The following PIKFYVE variants were observed in gnomAD, a reference collection of about 807,000 sequenced individuals.
PIKFYVE encodes 1-phosphatidylinositol 3-phosphate 5-kinase.
A neutral mutation model predicts 257.9 loss-of-function variants in PIKFYVE; 122 were observed. The observed-to-expected ratio is 0.47, with a 90% CI of 0.41 to 0.55. The LOEUF (loss-of-function observed/expected upper bound fraction) is 0.55, where lower values mean the gene tolerates loss of function less well. Ranked by LOEUF, PIKFYVE falls within the 20% of genes least tolerant of loss-of-function variation. The pLI, the probability that PIKFYVE is intolerant of heterozygous loss-of-function variation, is 0.00. For synonymous variants in PIKFYVE, 892 were observed against 868.9 expected (o/e 1.03, Z -0.47); for missense variants, 2,160 against 2,536.6 (o/e 0.85, Z 3.19).
In PIKFYVE at chr2:208,286,085, T is replaced by C. The variant is rs1574455102; in HGVS notation, c.821+152T>C. The C allele has an allele frequency of 5.1e-6, 4 of 790,484 alleles. No individual in the cohort carries two copies. In the East Asian group the frequency reaches 8.0e-5, roughly 16 times the overall value. 49.0% of individuals were successfully genotyped at this position (790,484 alleles called of 1,614,324 possible). ...TTTCTTTGGCTTGCCTCCAGAATGT[T>C]TGCAGATGTTTATGGATAGTGATGA... On this transcript the variant is annotated intron_variant, in intron 6 of 41. Transcript: ENST00000264380.
At chr2:208,340,224 T>C in intron 31 of PIKFYVE, 93 bp downstream of exon 31, 1 of 1,465,064 alleles carries the variant, frequency 6.8e-7, no homozygotes, top group Non-Finnish European at 9.5e-7. Flanking sequence ...TGATGCATGA[T>C]TTTTCAATCC....
Position 208,298,674 on chromosome 2 carries a change from A to G in PIKFYVE, c.945A>G (p.Arg315=). The change falls in exon 8 of 42, where the codon AGA becomes AGG. Residue 315 remains arginine (R), a synonymous_variant. Transcript: ENST00000264380. ...SASITNLSLD[R]SGSPMVPSYE... ...GCATTACTAACCTGTCACTGGATAG[A>G]TCTGGTTCTCCTATGGTACCTTCAT... is the stretch of plus-strand genomic sequence containing the variant. The G allele has an allele frequency of 6.2e-7, 1 of 1,614,110 alleles. No individual in the cohort carries two copies. The highest frequency in any genetic ancestry group is 8.5e-7 in the Non-Finnish European group (1 of 1,179,982).
At chr2:208,302,481 A>C (rs769558347) in intron 10 of PIKFYVE, 128 bp downstream of exon 10, 95 of 956,608 alleles carry the variant, frequency 9.9e-5, no homozygotes, top group Non-Finnish European at 1.3e-4. Flanking sequence ...CTGTTTGAGG[A>C]AAGTTAAAAC....
chr2:208,272,402 A>G (rs192108907), intron 2 of PIKFYVE, among the ~76,000 whole-genome samples: 258 of 152,310 alleles, frequency 1.7e-3, no homozygotes, highest in Non-Finnish European at 2.7e-3. Context: ...TAAAGCAATG[A>G]AACTGAAAGG....
At chr2:208,355,111 A>C in intron 41 of PIKFYVE, 79 bp from the exon 42 acceptor site, 1 of 1,095,574 alleles carries the variant, frequency 9.1e-7, no homozygotes, top group Non-Finnish European at 1.4e-6. Context: ...GTTTATATGA[A>C]AGAACATGGT....
At chr2:208,266,987 G>A (rs1688722210) in intron 1 of PIKFYVE, among the ~76,000 whole-genome samples, 1 of 152,208 alleles carries the variant, frequency 6.6e-6, no homozygotes, top group African/African-American at 2.4e-5. Context: ...CCAACAAAAG[G>A]ATGAGAATGG....
In PIKFYVE at chr2:208,358,217, A is replaced by ACT. The variant is rs1700267866; in HGVS notation, c.*2912_*2913insCT. On this transcript the variant is annotated 3_prime_UTR_variant, in exon 42 of 42. Coordinates refer to ENST00000264380, the MANE Select transcript of PIKFYVE (RefSeq NM_015040.4). ...GCTTCATGACATTTTACCCATTTGC[A>ACT]GTGATCCTGTGTAAAACTGCCAAGG... is the stretch of plus-strand genomic sequence containing the variant. The ACT allele has an allele frequency of 6.6e-6, 1 of 152,602 alleles. No individual in the cohort carries two copies. Among genetic ancestry groups the ACT allele is most frequent in the African/African-American group, 2.4e-5 (1 of 41,434 alleles). The allele number at this position is 152,602 out of a possible 1,614,324, so 9.5% of individuals were successfully genotyped here. A position where few individuals can be genotyped will look rare whatever the true frequency, so the allele number is the denominator to read the frequency against.
chr2:208,336,624 A>ATT (rs1034587699), intron 27 of PIKFYVE, among the ~76,000 whole-genome samples: 1 of 148,634 alleles, frequency 6.7e-6, no homozygotes, highest in Non-Finnish European at 1.5e-5. Flanking sequence ...ATAATTTGCT[A>ATT]TTTTTTTTTT....
At chr2:208,352,932 G>A in intron 39 of PIKFYVE, 150 bp downstream of exon 39, 1 of 965,684 alleles carries the variant, frequency 1.0e-6, no homozygotes. Flanking sequence ...GACTTGCTCA[G>A]CCTTGGAGAA....
Position 208,350,083 on chromosome 2 carries a change from C to G in PIKFYVE, c.5434C>G (p.Gln1812Glu). 6.2e-7 allele frequency: 1 copy of G among 1,612,280 alleles called. No homozygotes were observed. ...ACTCATAAATCCTCATGTGGAACTT[C>G]GTAAGTATGAGATATTATATCATTG... ...KQLINPHVEL[Q>E]FSDANAKFYC... Residue 1812 changes from glutamine (Q) to glutamate (E), a missense_variant and splice_region_variant, in exon 36 of 42, where the codon CAA (glutamine) becomes GAA (glutamate). Physicochemically the swap from Gln to Glu is conservative, Grantham distance 29. Transcript: ENST00000264380.
chr2:208,318,904 T>C lies in PIKFYVE; in HGVS notation c.2082+963T>C, dbSNP rs1385987407. On this transcript the variant is annotated intron_variant, in intron 16 of 41. Transcript: ENST00000264380. The stretch of plus-strand genomic sequence containing the variant: ...AGGCGAAGGTTGCAGTGAGCTGAGA[T>C]CACGCCACTGCAGTGCAGTCTGGGC... Among the ~76,000 whole-genome samples the C allele has an allele frequency of 2.3e-5, 3 of 132,738 alleles. No individual in the cohort carries two copies. The East Asian group carries it at 6.9e-4, about 31-fold the overall frequency. 87.1% of individuals were successfully genotyped at this position (132,738 alleles called of 152,430 possible). A position where few individuals can be genotyped will look rare whatever the true frequency, so the allele number is the denominator to read the frequency against.
chr2:208,322,442 TTTG>T lies in PIKFYVE; in HGVS notation c.2191-1694_2191-1692del, dbSNP rs569725007. Among the ~76,000 whole-genome samples, 106 of 151,244 alleles carry T rather than the reference TTTG, an allele frequency of 7.0e-4. 1 individual carries two copies. Among genetic ancestry groups the T allele is most frequent in the Middle Eastern group, 3.4e-3 (1 of 294 alleles). ...TTTGGGAGTTGTGAGGTTAGGTTTTTTTGTTGTTCTTGTTTTTTTTTAACCTCT... is the reference window on the plus strand; with the variant it reads ...TTTGGGAGTTGTGAGGTTAGGTTTTTTTGTTCTTGTTTTTTTTTAACCTCT... On this transcript the variant is annotated intron_variant, in intron 17 of 41. Transcript: ENST00000264380.
At position 208,304,222 on chromosome 2, in the gene PIKFYVE, G is replaced by A. The variant is rs765238745; in HGVS notation, c.1372G>A (p.Val458Met). 10 of 1,614,064 alleles carry A rather than the reference G, an allele frequency of 6.2e-6. No homozygotes were observed. The highest frequency in any genetic ancestry group is 1.7e-5 in the Admixed American group (1 of 60,026). The change falls in exon 11 of 42, where the codon GTG becomes ATG. Residue 458 changes from valine (V) to methionine (M), a missense_variant. By Grantham distance (21) the Val-to-Met change is conservative (BLOSUM62 1). Coordinates refer to ENST00000264380, the MANE Select transcript of PIKFYVE (RefSeq NM_015040.4). ...TCCCGACAGTGACTCAGTGAACTCC[G>A]TGGAAGGACACTCTGAGCCATCCTG... is the stretch of plus-strand genomic sequence containing the variant. ...PSPDSDSVNS[V>M]EGHSEPSWFK...
At chr2:208,324,364 A>G in intron 18 of PIKFYVE, 82 bp downstream of exon 18, 1 of 1,453,314 alleles carries the variant, frequency 6.9e-7, no homozygotes, top group Non-Finnish European at 9.6e-7. Context: ...GTATACAAGA[A>G]TCTTTTTTTC....
chr2:208,350,688 C>G, intron 36 of PIKFYVE, 83 bp from the exon 37 acceptor site: 1 of 1,465,084 alleles, frequency 6.8e-7, no homozygotes, highest in Non-Finnish European at 9.5e-7. Context: ...TTGCATTTGG[C>G]CAGGGTAGGG....
intron 15 of PIKFYVE, 48 bp downstream of exon 15, chr2:208,315,421 A>C: frequency 1.2e-6 from 2 of 1,600,394 alleles, no homozygotes; most frequent in Non-Finnish European, 1.7e-6. Flanking sequence ...ATGAGGCAGG[A>C]CTGATTGTAA....
At position 208,328,298 on chromosome 2, in the gene PIKFYVE, C is replaced by G; in HGVS notation, c.3719+18C>G. ...AGTCCTTGGTAGGATTCTTTTCCCC[C>G]TACACTATTCCACATAAGAACAGAA... On this transcript the variant is annotated intron_variant, in intron 21 of 41. Coordinates refer to ENST00000264380, the MANE Select transcript of PIKFYVE (RefSeq NM_015040.4). 1 of 1,613,122 alleles carries G rather than the reference C, an allele frequency of 6.2e-7. No homozygotes were observed. The highest frequency in any genetic ancestry group is 8.5e-7 in the Non-Finnish European group (1 of 1,179,456).
At chr2:208,354,887 A>G (rs1430842974) in intron 41 of PIKFYVE, among the ~76,000 whole-genome samples, 2 of 152,230 alleles carry the variant, frequency 1.3e-5, no homozygotes, top group African/African-American at 4.8e-5. Flanking sequence ...GATGTTCTGA[A>G]TAAGAGATTG....
chr2:208,290,581 G>T (rs1692187771), intron 7 of PIKFYVE, among the ~76,000 whole-genome samples: 1 of 152,162 alleles, frequency 6.6e-6, no homozygotes, highest in Admixed American at 6.5e-5. Context: ...TATAACATCT[G>T]AGTATAGGTT....
Sources: gnomAD v4.1 joint callset for allele counts (sites outside exome capture counted in the v4.1 genomes callset) on GRCh38, gnomAD v4.1.1 for gene constraint, MANE v1.5 for transcripts, NCBI Gene and HGNC (gene_info 2026-07-23, HGNC 2026-07-21) for gene names.